The following SSBP2 variants were observed in gnomAD, a reference collection of about 807,000 sequenced individuals.
The protein encoded by SSBP2 is single-stranded DNA-binding protein 2.
In SSBP2, 17 loss-of-function variants were observed where a neutral mutation model predicts 61.8. The observed-to-expected ratio is 0.28, with a 90% CI of 0.19 to 0.41. The LOEUF (loss-of-function observed/expected upper bound fraction) is 0.41. Among genes scored for constraint, SSBP2 ranks in the 10% least tolerant of loss-of-function variants. SSBP2 has a pLI of 1.00. For synonymous variants in SSBP2, 139 were observed against 141.3 expected (o/e 0.98, Z 0.12); for missense variants, 310 against 458.7 (o/e 0.68, Z 2.96).
chr5:81,640,633 ACT>A (rs1748699452), intron 2 of SSBP2, among the ~76,000 whole-genome samples: 1 of 152,006 alleles, frequency 6.6e-6, no homozygotes. Context: ...GAGAAACAAA[ACT>A]CTGATGTCCT....
intron 4 of SSBP2, among the ~76,000 whole-genome samples, chr5:81,610,406 G>T (rs1745329013): frequency 6.6e-6 from 1 of 152,112 alleles, no homozygotes; most frequent in Non-Finnish European, 1.5e-5. Flanking sequence ...CATTTTTAAG[G>T]TAAGTTTGAC....
chr5:81,591,869 C>T (rs1388157448), intron 4 of SSBP2, among the ~76,000 whole-genome samples: 2 of 148,640 alleles, frequency 1.3e-5, no homozygotes, highest in African/African-American at 2.4e-5. Flanking sequence ...CCAAGATGGC[C>T]GAATAGGAAC....
chr5:81,464,123 T>A (rs1178845465), intron 9 of SSBP2, among the ~76,000 whole-genome samples: 1 of 152,124 alleles, frequency 6.6e-6, no homozygotes, highest in Non-Finnish European at 1.5e-5. Flanking sequence ...AAATAATAAC[T>A]ACACAAACTT....
rs181998834 is a variant in SSBP2 at position 81,489,222 on chromosome 5, A to G, written c.432+28T>C. The G allele has an allele frequency of 1.8e-4, 291 of 1,584,458 alleles. No homozygotes were observed. In the African/African-American group the frequency reaches 2.0e-3, roughly 11 times the overall value. ...ATTTTCAAGATCTTTGATTCTTACA[A>G]AAAACTTACATAGCACATAAATCTT... On this transcript the variant is annotated intron_variant, in intron 6 of 16. Transcript: ENST00000320672.
intron 4 of SSBP2, among the ~76,000 whole-genome samples, chr5:81,519,185 TATTGA>T (rs1324847617): frequency 6.6e-6 from 1 of 152,158 alleles, no homozygotes; most frequent in Non-Finnish European, 1.5e-5. Flanking sequence ...TTTATCTACT[TATTGA>T]AAGTTAAAAG....
rs567056634 is a variant in SSBP2 at position 81,442,114 on chromosome 5, A to G, written c.849+539T>C. ...TTTTGTAAACATGTAGGCCTTATAG[A>G]TAAATAAAATGTTTTCCTGTGAACT... is the stretch of plus-strand genomic sequence containing the variant. On this transcript the variant is annotated intron_variant, in intron 13 of 16. Transcript: ENST00000320672. 3.6e-4 allele frequency among the ~76,000 whole-genome samples: 55 copies of G among 152,282 alleles called. No individual in the cohort carries two copies. The South Asian group carries it at 0.011, about 30-fold the overall frequency.
intron 1 of SSBP2, among the ~76,000 whole-genome samples, chr5:81,667,352 G>A (rs58906304): frequency 4.7e-4 from 70 of 149,418 alleles, no homozygotes; most frequent in African/African-American, 1.7e-3. Context: ...ATCCATATAG[G>A]GGTTCCTTTA....
chr5:81,464,396 AGTTTTG>A (rs1764753952), intron 9 of SSBP2, among the ~76,000 whole-genome samples: 1 of 152,214 alleles, frequency 6.6e-6, no homozygotes, highest in South Asian at 2.1e-4. Context: ...ACTTAAATTT[AGTTTTG>A]GCTTCTAAGA....
intron 4 of SSBP2, among the ~76,000 whole-genome samples, chr5:81,585,859 T>C (rs59888457): frequency 9.3e-4 from 142 of 152,288 alleles, no homozygotes; most frequent in African/African-American, 3.3e-3. Flanking sequence ...TCTCCATTTC[T>C]ATGAGTTCAT....
intron 1 of SSBP2, among the ~76,000 whole-genome samples, chr5:81,688,833 C>T (rs1460496638): frequency 2.0e-5 from 3 of 152,034 alleles, no homozygotes; most frequent in Admixed American, 6.6e-5. Flanking sequence ...CAACTGCATG[C>T]ATCAAGGCCA....
intron 3 of SSBP2, among the ~76,000 whole-genome samples, chr5:81,617,782 A>C (rs1405496401): frequency 3.3e-5 from 3 of 89,722 alleles, no homozygotes; most frequent in East Asian, 4.3e-4. Context: ...GCCAGAAGAG[A>C]GTGGGGGCCA....
intron 1 of SSBP2, among the ~76,000 whole-genome samples, chr5:81,687,799 A>AT: frequency 6.6e-6 from 1 of 152,260 alleles, no homozygotes; most frequent in East Asian, 1.9e-4. Context: ...TCTTGGCAGG[A>AT]TTCATTACCT....
chr5:81,534,643 T>G (rs1181630481), intron 4 of SSBP2, among the ~76,000 whole-genome samples: 1 of 151,806 alleles, frequency 6.6e-6, no homozygotes, highest in Non-Finnish European at 1.5e-5. Context: ...GATGTGGCAA[T>G]AGAAATTTCA....
chr5:81,461,021 C>A, intron 10 of SSBP2, 34 bp downstream of exon 10: 2 of 1,261,766 alleles, frequency 1.6e-6, no homozygotes, highest in Non-Finnish European at 2.0e-6. Context: ...TTACAAAATG[C>A]AAAATATTAA....
intron 9 of SSBP2, among the ~76,000 whole-genome samples, chr5:81,466,650 C>G (rs146456162): frequency 2.0e-5 from 3 of 151,630 alleles, no homozygotes; most frequent in African/African-American, 7.3e-5. Context: ...ATTTTATATA[C>G]TATATGGAGA....
chr5:81,665,764 C>T (rs1233872792), intron 1 of SSBP2, among the ~76,000 whole-genome samples: 1 of 152,222 alleles, frequency 6.6e-6, no homozygotes, highest in African/African-American at 2.4e-5. Flanking sequence ...CTTGGCCTCC[C>T]AAAGTGCTGG....
intron 4 of SSBP2, among the ~76,000 whole-genome samples, chr5:81,556,417 T>C (rs749190228): frequency 6.6e-6 from 1 of 152,104 alleles, no homozygotes; most frequent in Non-Finnish European, 1.5e-5. Context: ...CCAAGAAAAG[T>C]TGAAGTTAAA....
rs1470491912 is a variant in SSBP2 at position 81,653,557 on chromosome 5, CCCA to C, written c.63-3221_63-3219del. Among the ~76,000 whole-genome samples the C allele has an allele frequency of 3.3e-5, 5 of 152,296 alleles. No individual in the cohort carries two copies. The South Asian group carries it at 8.3e-4, about 25-fold the overall frequency. On this transcript the variant is annotated intron_variant, in intron 1 of 16. Transcript: ENST00000320672. ...CACAATGGTTGAACTAATTTACACT[CCCA>C]CCAACAGTGTAAAAGTGTTCCTATT... is the stretch of plus-strand genomic sequence containing the variant.
At chr5:81,704,950 T>A (rs1754264320) in intron 1 of SSBP2, among the ~76,000 whole-genome samples, 1 of 152,086 alleles carries the variant, frequency 6.6e-6, no homozygotes, top group Non-Finnish European at 1.5e-5. Context: ...AAAAATAATA[T>A]ATCACATTTC....
Sources: gnomAD v4.1 joint callset for allele counts (sites outside exome capture counted in the v4.1 genomes callset) on GRCh38, gnomAD v4.1.1 for gene constraint, MANE v1.5 for transcripts, NCBI Gene and HGNC (gene_info 2026-07-23, HGNC 2026-07-21) for gene names.